Variants in CCAR1 observed in about 807,000 individuals in gnomAD.
CCAR1 encodes the protein cell division cycle and apoptosis regulator 1, also known as cell division cycle and apoptosis regulator protein 1.
In CCAR1, 78 loss-of-function variants were observed where a neutral mutation model predicts 163.8. The observed-to-expected ratio is 0.48, with a 90% CI of 0.40 to 0.57. The LOEUF (loss-of-function observed/expected upper bound fraction) is 0.57, where lower values mean the gene tolerates loss of function less well. Among genes scored for constraint, CCAR1 ranks in the 20% least tolerant of loss-of-function variants. The probability of loss-of-function intolerance (pLI) is 0.00; values close to 1 mark genes in which losing one functional copy is unlikely to be tolerated. For synonymous variants in CCAR1, 443 were observed against 460.7 expected, an observed-to-expected ratio of 0.96 and a Z score of 0.49; for missense variants, 1,019 against 1,365.2, an observed-to-expected ratio of 0.75 and a Z score of 4.00.
At chr10:68,752,673 C>A (rs115641369) in intron 10 of CCAR1, among the ~76,000 whole-genome samples, 1 of 152,086 alleles carries the variant, frequency 6.6e-6, no homozygotes, top group South Asian at 2.1e-4. Context: ...GAGTTTGAGA[C>A]CAGCCTAGGC....
chr10:68,731,899 C>A (rs1012319750), intron 2 of CCAR1, among the ~76,000 whole-genome samples: 1 of 152,118 alleles, frequency 6.6e-6, no homozygotes, highest in East Asian at 1.9e-4. Flanking sequence ...CTGAAATTGT[C>A]TTGTTTCTAA....
At position 68,766,084 on chromosome 10, in the gene CCAR1, T is replaced by G; in HGVS notation, c.2298+5T>G. 1 of 1,575,566 alleles carries G rather than the reference T, an allele frequency of 6.3e-7. No homozygotes were observed. The highest frequency in any genetic ancestry group is 8.7e-7 in the Non-Finnish European group (1 of 1,146,102). On this transcript the variant is annotated splice_donor_5th_base_variant and intron_variant, in intron 17 of 24. Transcript: ENST00000265872. The stretch of plus-strand genomic sequence containing the variant: ...AATAAAGAACATTCATTTGAGGTAA[T>G]GTTTTAAGTTTGAAATAAGATCCAT...
At chr10:68,745,039 C>G (rs1483663427) in intron 6 of CCAR1, among the ~76,000 whole-genome samples, 1 of 151,976 alleles carries the variant, frequency 6.6e-6, no homozygotes, top group Non-Finnish European at 1.5e-5. Flanking sequence ...GAGTTTCTCT[C>G]TTGTTGCCCA....
chr10:68,774,189 G>A (rs2056635540), intron 19 of CCAR1, among the ~76,000 whole-genome samples: 2 of 151,402 alleles, frequency 1.3e-5, no homozygotes, highest in Middle Eastern at 7.0e-3. Context: ...ACTGTGCCCG[G>A]CCTAATTTTT....
At chr10:68,726,926 C>T (rs2133299270) in intron 2 of CCAR1, among the ~76,000 whole-genome samples, 1 of 151,542 alleles carries the variant, frequency 6.6e-6, no homozygotes, top group African/African-American at 2.4e-5. Context: ...AACCTGGAGG[C>T]AGAGGTTGCA....
At chr10:68,758,503 A>AGTGTGTGTGTGTGT (rs71028777) in intron 15 of CCAR1, among the ~76,000 whole-genome samples, 8 of 124,576 alleles carry the variant, frequency 6.4e-5, no homozygotes, top group African/African-American at 2.1e-4. Flanking sequence ...CATCCTGGGC[A>AGTGTGTGTGTGTGT]GTGTGTGTGT....
chr10:68,767,461 G>T (rs762876212), intron 17 of CCAR1, among the ~76,000 whole-genome samples: 2 of 151,994 alleles, frequency 1.3e-5, no homozygotes, highest in African/African-American at 2.4e-5. Flanking sequence ...TAGGGACAGG[G>T]TCTCAAACTC....
intron 23 of CCAR1, 61 bp from the exon 24 acceptor site, chr10:68,789,649 C>A: frequency 1.0e-6 from 1 of 1,003,002 alleles, no homozygotes; most frequent in African/African-American, 1.6e-5. Flanking sequence ...ATATTTTAAC[C>A]TCAAAGTTAA....
chr10:68,775,982 A>G (rs2056661683), intron 19 of CCAR1, among the ~76,000 whole-genome samples: 1 of 151,684 alleles, frequency 6.6e-6, no homozygotes, highest in Non-Finnish European at 1.5e-5. Context: ...GACATGGGCC[A>G]CTGCGCCCAG....
Position 68,788,205 on chromosome 10 carries a change from G to A in CCAR1, c.3064G>A (p.Val1022Ile). ...GGAATCAAAGGATGTGGAAGAAAAT[G>A]TTGGCCTCATTGTGTACAATGGTGC... ...KQESKDVEENVGLIVYNGAMV... is the reference protein window; with the variant it reads ...KQESKDVEENIGLIVYNGAMV... Residue 1022 changes from valine (V) to isoleucine (I), a missense_variant, in exon 23 of 25, where the codon GTT becomes ATT. By Grantham distance (29) the Val-to-Ile change is conservative. Around this residue, in one of 4 missense-constraint regions of CCAR1, gnomAD observed 358 missense variants for 406.4 expected, o/e 0.88. Coordinates refer to ENST00000265872, the MANE Select transcript of CCAR1 (RefSeq NM_018237.4). 2 of 1,598,306 alleles carry A rather than the reference G, an allele frequency of 1.3e-6. No homozygotes were observed. The highest frequency in any genetic ancestry group is 1.7e-6 in the Non-Finnish European group (2 of 1,174,600).
intron 15 of CCAR1, among the ~76,000 whole-genome samples, chr10:68,759,146 G>A (rs1409314201): frequency 6.6e-6 from 1 of 152,166 alleles, no homozygotes; most frequent in Non-Finnish European, 1.5e-5. Context: ...AGGCAAGGTA[G>A]CTCATGCCTG....
chr10:68,787,910 A>G lies in CCAR1; in HGVS notation c.2881-17A>G. 1 of 1,581,510 alleles carries G rather than the reference A, an allele frequency of 6.3e-7. No homozygotes were observed. The highest frequency in any genetic ancestry group is 8.6e-7 in the Non-Finnish European group (1 of 1,168,490). The stretch of plus-strand genomic sequence containing the variant: ...GTATTTTCATCTCTGTATTTTGTTT[A>G]CTTGCATGCATAACAGGTAAAGAAG... On this transcript the variant is annotated splice_polypyrimidine_tract_variant and intron_variant, in intron 21 of 24. Transcript: ENST00000265872.
intron 12 of CCAR1, 150 bp downstream of exon 12, chr10:68,754,977 G>GT: frequency 1.7e-6 from 1 of 603,586 alleles, no homozygotes; most frequent in African/African-American, 1.8e-5. Context: ...TGATGTAGAT[G>GT]TTTTTCTCAT....
chr10:68,787,601 G>A (rs569606448), intron 21 of CCAR1, among the ~76,000 whole-genome samples: 13 of 152,056 alleles, frequency 8.5e-5, no homozygotes, highest in African/African-American at 2.9e-4. Context: ...TTTGGGAGGC[G>A]GAGGAGGGTG....
At chr10:68,781,597 T>C (rs771000168) in intron 19 of CCAR1, among the ~76,000 whole-genome samples, 1 of 151,186 alleles carries the variant, frequency 6.6e-6, no homozygotes, top group Non-Finnish European at 1.5e-5. Context: ...GGTTCATGAC[T>C]GTAATACCAG....
At chr10:68,752,460 A>G (rs2056344351) in intron 10 of CCAR1, among the ~76,000 whole-genome samples, 2 of 152,188 alleles carry the variant, frequency 1.3e-5, no homozygotes, top group African/African-American at 4.8e-5. Flanking sequence ...AATTCTGGTG[A>G]TACGGAATTG....
chr10:68,748,636 C>T (rs970283882), intron 8 of CCAR1, among the ~76,000 whole-genome samples: 3 of 151,698 alleles, frequency 2.0e-5, no homozygotes, highest in Admixed American at 6.6e-5. Flanking sequence ...ACTACAGGTG[C>T]GCGCCACCCC....
At position 68,749,564 on chromosome 10, in the gene CCAR1, T is replaced by A. The variant is rs745859960; in HGVS notation, c.997T>A (p.Ser333Thr). The change falls in exon 10 of 25, where the codon TCA becomes ACA. Residue 333 changes from serine (S) to threonine (T), a missense_variant. Around this residue, in one of 4 missense-constraint regions of CCAR1, gnomAD observed 644 missense variants for 904.4 expected, o/e 0.71. Coordinates refer to ENST00000265872, the MANE Select transcript of CCAR1 (RefSeq NM_018237.4). The stretch of plus-strand genomic sequence containing the variant: ...AGAAAGACGTAGATCGAGAGAAAGA[T>A]CACCTCAGAGGAAACGTTCCCGGGA... The part of the protein sequence containing the change: ...ERERRRSRER[S>T]PQRKRSRERS... 4 of 1,613,868 alleles carry A rather than the reference T, an allele frequency of 2.5e-6. No homozygotes were observed. Among genetic ancestry groups the A allele is most frequent in the Middle Eastern group, 1.7e-4 (1 of 6,060 alleles).
intron 2 of CCAR1, among the ~76,000 whole-genome samples, chr10:68,724,654 T>C (rs1211974610): frequency 3.9e-5 from 6 of 152,020 alleles, no homozygotes; most frequent in African/African-American, 9.7e-5. Flanking sequence ...CCTGGTGTTA[T>C]GTACCTGTGG....
Sources: gnomAD v4.1 joint callset for allele counts (sites outside exome capture counted in the v4.1 genomes callset) on GRCh38, gnomAD v4.1.1 for gene constraint, gnomAD v4.1.1 regional missense constraint, MANE v1.5 for transcripts, NCBI Gene and HGNC (gene_info 2026-07-23, HGNC 2026-07-21) for gene names.